Variants in ASIC2 observed in about 807,000 individuals in gnomAD.
ASIC2 encodes acid sensing ion channel subunit 2, also known as acid-sensing ion channel 2.
Under a neutral mutation model 57.3 loss-of-function variants are expected in ASIC2, and 25 were observed. The ratio of observed to expected loss-of-function variants is 0.44; its 90% CI spans 0.32 to 0.61. The LOEUF is 0.61. Ranked by LOEUF, ASIC2 falls within the 20% of genes least tolerant of loss-of-function variation. The pLI is 0.06. For missense variants in ASIC2, 641 were observed against 738.1 expected (o/e 0.87, Z 1.52); for synonymous variants, 319 against 307.5 (o/e 1.04, Z -0.39).
chr17:33,955,157 A>G (rs537785418), intron 1 of ASIC2: 6 of 152,366 alleles, frequency 3.9e-5, no homozygotes, highest in African/African-American at 1.4e-4. Context: ...GAAATTAAGC[A>G]GTAGAAATGG....
chr17:33,511,172 CCTAATT>C (rs1914422176), intron 1 of ASIC2, among the ~76,000 whole-genome samples: 1 of 141,728 alleles, frequency 7.1e-6, no homozygotes, highest in Non-Finnish European at 1.5e-5. Context: ...TGGCTGTCAC[CCTAATT>C]CTTGGTTCAT....
At chr17:33,944,517 G>A (rs186913554) in intron 1 of ASIC2, among the ~76,000 whole-genome samples, 1 of 152,312 alleles carries the variant, frequency 6.6e-6, no homozygotes, top group Non-Finnish European at 1.5e-5. Context: ...GTGAGGCCAA[G>A]GCAGTCGAGT....
chr17:33,701,827 A>C (rs1597841189), intron 1 of ASIC2, among the ~76,000 whole-genome samples: 2 of 152,362 alleles, frequency 1.3e-5, no homozygotes, highest in African/African-American at 4.8e-5. Flanking sequence ...TCTTTTTGCA[A>C]AGAATAGTCC....
intron 1 of ASIC2, among the ~76,000 whole-genome samples, chr17:33,844,629 C>T (rs79246706): frequency 1.2e-4 from 18 of 152,274 alleles, no homozygotes; most frequent in Non-Finnish European, 2.2e-4. Flanking sequence ...AACCGGTCTT[C>T]AAAACTTTAT....
intron 1 of ASIC2, among the ~76,000 whole-genome samples, chr17:33,725,518 AG>A: frequency 6.6e-6 from 1 of 152,302 alleles, no homozygotes; most frequent in African/African-American, 2.4e-5. Flanking sequence ...AGTTAATTCC[AG>A]CTTGTAAGAC....
chr17:33,482,555 T>A (rs9893087), intron 1 of ASIC2, among the ~76,000 whole-genome samples: 16,713 of 152,266 alleles, frequency 0.11, 1,105 homozygotes, highest in South Asian at 0.17. Context: ...CATTTTCTCA[T>A]CTGATTCTCT....
At chr17:33,402,183 G>C (rs1164947479) in intron 1 of ASIC2, among the ~76,000 whole-genome samples, 12 of 152,162 alleles carry the variant, frequency 7.9e-5, no homozygotes, top group Non-Finnish European at 5.9e-5. Flanking sequence ...ACACTGCATG[G>C]AGGGCTCCAT....
At chr17:33,227,230 C>T (rs1466456420) in intron 1 of ASIC2, among the ~76,000 whole-genome samples, 1 of 152,140 alleles carries the variant, frequency 6.6e-6, no homozygotes, top group Admixed American at 6.5e-5. Context: ...GTTGGAGGGG[C>T]ACTGGAGGAT....
intron 1 of ASIC2, among the ~76,000 whole-genome samples, chr17:33,440,461 C>G (rs984188093): frequency 2.0e-5 from 3 of 152,206 alleles, no homozygotes; most frequent in African/African-American, 2.4e-5. Flanking sequence ...CATATGTTTT[C>G]ATTTCTCTTG....
chr17:33,066,598 C>T (rs1567732465), intron 3 of ASIC2, among the ~76,000 whole-genome samples: 1 of 152,132 alleles, frequency 6.6e-6, no homozygotes, highest in Non-Finnish European at 1.5e-5. Context: ...TCCATCAGAT[C>T]CAGTGCCTTC....
At chr17:33,048,743 C>T (rs544651075) in intron 3 of ASIC2, among the ~76,000 whole-genome samples, 5 of 152,124 alleles carry the variant, frequency 3.3e-5, no homozygotes, top group South Asian at 2.1e-4. Flanking sequence ...TCCTGTGGGC[C>T]CATCCCAGGG....
chr17:33,658,731 C>T (rs1430354728), intron 1 of ASIC2, among the ~76,000 whole-genome samples: 1 of 152,196 alleles, frequency 6.6e-6, no homozygotes, highest in South Asian at 2.1e-4. Flanking sequence ...AGCTGCGGCT[C>T]ACACCTGTAA....
In ASIC2 at chr17:33,058,491, A is replaced by C. The variant is rs1363508048; in HGVS notation, c.988-30099T>G. On this transcript the variant is annotated intron_variant, in intron 3 of 9. Transcript: ENST00000225823. ...AAGTCAAAAAAAAAAAAAAAAAAAA[A>C]CAAAACCCAAAACAACAACAAAAAA... Among the ~76,000 whole-genome samples, 9 of 128,880 alleles carry C rather than the reference A, an allele frequency of 7.0e-5. No homozygotes were observed. In the East Asian group the frequency reaches 7.4e-4, roughly 11 times the overall value. The allele number at this position is 128,880 out of a possible 152,430, so 84.6% of individuals were successfully genotyped here. A position where few individuals can be genotyped will look rare whatever the true frequency, so the allele number is the denominator to read the frequency against.
chr17:33,742,683 G>T (rs142603797), intron 1 of ASIC2, among the ~76,000 whole-genome samples: 399 of 152,310 alleles, frequency 2.6e-3, no homozygotes, highest in African/African-American at 9.0e-3. Flanking sequence ...TGGGAAATGG[G>T]TGGCGTGGCC....
chr17:33,650,071 T>C (rs930777322), intron 1 of ASIC2, among the ~76,000 whole-genome samples: 1 of 152,158 alleles, frequency 6.6e-6, no homozygotes, highest in Non-Finnish European at 1.5e-5. Context: ...TGAGAGGAAA[T>C]ACTTTCAAAT....
At chr17:33,408,547 C>T (rs930982915) in intron 1 of ASIC2, among the ~76,000 whole-genome samples, 2 of 152,318 alleles carry the variant, frequency 1.3e-5, no homozygotes, top group African/African-American at 4.8e-5. Flanking sequence ...TAGTAGGTAA[C>T]TCAATTTTTA....
At position 33,367,801 on chromosome 17, in the gene ASIC2, A is replaced by G. The variant is rs553504158; in HGVS notation, c.556-255734T>C. The stretch of plus-strand genomic sequence containing the variant: ...ACCTAGCTGAGATAGAAGAGTGCAG[A>G]GCTCTTGTCCATTATAACGAGGCCC... On this transcript the variant is annotated intron_variant, in intron 1 of 9. Transcript: ENST00000359872. 5.9e-5 allele frequency among the ~76,000 whole-genome samples: 9 copies of G among 152,334 alleles called. No individual in the cohort carries two copies. The South Asian group carries it at 1.9e-3, about 32-fold the overall frequency.
At chr17:33,075,242 T>C (rs1306167268) in intron 3 of ASIC2, among the ~76,000 whole-genome samples, 2 of 152,216 alleles carry the variant, frequency 1.3e-5, no homozygotes, top group Non-Finnish European at 2.9e-5. Flanking sequence ...TCTCATTCTC[T>C]CTTGTCTGCC....
At chr17:33,585,791 A>G (rs1904609352) in intron 1 of ASIC2, among the ~76,000 whole-genome samples, 2 of 152,130 alleles carry the variant, frequency 1.3e-5, no homozygotes, top group African/African-American at 2.4e-5. Context: ...TGTTTTATCT[A>G]ATTTGTAGTT....
Sources: gnomAD v4.1 joint callset for allele counts (sites outside exome capture counted in the v4.1 genomes callset) on GRCh38, gnomAD v4.1.1 for gene constraint, MANE v1.5 for transcripts, NCBI Gene and HGNC (gene_info 2026-07-23, HGNC 2026-07-21) for gene names.